The following TSC2 variants were observed in gnomAD, a reference collection of about 807,000 sequenced individuals.
TSC2 encodes the protein tuberin.
Under a neutral mutation model 202.2 loss-of-function variants are expected in TSC2, and 29 were observed. The ratio of observed to expected loss-of-function variants is 0.14; its 90% CI spans 0.11 to 0.20. The LOEUF (loss-of-function observed/expected upper bound fraction) is 0.20. Among genes scored for constraint, TSC2 ranks in the 10% least tolerant of loss-of-function variants. The pLI is 1.00. For synonymous variants in TSC2, 1,349 were observed against 1,044.0 expected (o/e 1.29, Z -5.63); for missense variants, 2,429 against 2,420.0 (o/e 1.00, Z -0.08).
At chr16:2,083,088 G>GCGCGTCCCCCCCTTC (rs2090333017) in intron 32 of TSC2, 1 of 455,096 alleles carries the variant, frequency 2.2e-6, no homozygotes, top group African/African-American at 2.0e-5. Context: ...GTGGCTGACT[G>GCGCGTCCCCCCCTTC]CGCGTGTGCA....
At chr16:2,071,309 AG>A in intron 17 of TSC2, 200 bp from the exon 18 acceptor site, 1 of 635,980 alleles carries the variant, frequency 1.6e-6, no homozygotes, top group South Asian at 1.8e-5. Flanking sequence ...GAGGCAAGGG[AG>A]GGAGGAGGCT....
In TSC2 at chr16:2,050,372, C is replaced by G. The variant is rs767295844; in HGVS notation, c.139-28C>G. 8.7e-6 allele frequency: 14 copies of G among 1,608,528 alleles called. No homozygotes were observed. In the East Asian group the frequency reaches 2.9e-4, roughly 33 times the overall value. ...AGGAGACCGTGGCCTGAGCACTGGC[C>G]CCTTTTTCTTCTTTCATCTCTCTCC... On this transcript the variant is annotated intron_variant, in intron 2 of 41. Transcript: ENST00000219476.
chr16:2,081,801 G>A lies in TSC2; in HGVS notation c.3814+3G>A. The A allele has an allele frequency of 6.2e-7, 1 of 1,611,972 alleles. No homozygotes were observed. The stretch of plus-strand genomic sequence containing the variant: ...TCCTCTGCCTCGCTCCAACACAGGT[G>A]AGTGGCATGGCGGGCCTTGGCACGG... On this transcript the variant is annotated splice_donor_region_variant and intron_variant, in intron 31 of 41. Coordinates refer to ENST00000219476, the MANE Select transcript of TSC2 (RefSeq NM_000548.5).
At chr16:2,069,155 T>C (rs1044284161) in intron 16 of TSC2, among the ~76,000 whole-genome samples, 8 of 152,312 alleles carry the variant, frequency 5.3e-5, no homozygotes, top group Middle Eastern at 3.4e-3. Context: ...GCCTGCCTAG[T>C]GGGCCCGGCA....
chr16:2,048,191 G>A (rs2084593597), intron 1 of TSC2, 126 bp downstream of exon 1: 1 of 1,534,114 alleles, frequency 6.5e-7, no homozygotes. Context: ...CCGGAGCTCC[G>A]AGCATCCCTT....
rs935100408 is a variant in TSC2, at chr16:2,079,763, C to T, written c.3397+94C>T. ...TCAGGAAGGCCCCGAGCCCAGGGGC[C>T]GGGGTGGCTGGCTTCAGGCCCGGCC... On this transcript the variant is annotated intron_variant, in intron 29 of 41. Coordinates refer to ENST00000219476, the MANE Select transcript of TSC2 (RefSeq NM_000548.5). This position sits in a 1 kb window ranked among gnomAD's most constrained non-coding sequence, Gnocchi z 4.6. 26 of 1,347,762 alleles carry T rather than the reference C, an allele frequency of 1.9e-5. No homozygotes were observed. Among genetic ancestry groups the T allele is most frequent in the Admixed American group, 4.5e-5 (2 of 44,828 alleles). The allele number at this position is 1,347,762 out of a possible 1,614,324, so 83.5% of individuals were successfully genotyped here. A position where few individuals can be genotyped will look rare whatever the true frequency, so the allele number is the denominator to read the frequency against.
rs767444397 is a variant in TSC2, at chr16:2,086,768, A to G, written c.4886A>G (p.Asp1629Gly). ...ATCGCCACCCTGATGCCCACCAAGG[A>G]CGTGGACAAGCACCGCTGCGACAAG... ...FHIATLMPTK[D>G]VDKHRCDKKR... The change falls in exon 38 of 42, where the codon GAC becomes GGC. Residue 1629 changes from aspartate to glycine, a missense_variant. Transcript: ENST00000219476. 1.2e-6 allele frequency: 2 copies of G among 1,611,200 alleles called. No homozygotes were observed. Among genetic ancestry groups the G allele is most frequent in the African/African-American group, 2.7e-5 (2 of 74,878 alleles).
chr16:2,058,506 C>T lies in TSC2; in HGVS notation c.849-241C>T, dbSNP rs537303786. Among the ~76,000 whole-genome samples the T allele has an allele frequency of 1.1e-4, 16 of 152,376 alleles. 1 individual carries two copies. The South Asian group carries it at 3.1e-3, about 30-fold the overall frequency. ...GCCATCCCTCTTGCCTGCTTCCTGT[C>T]CCTGGCATGACCTGTAGCTCACAGC... On this transcript the variant is annotated intron_variant, in intron 9 of 41. Coordinates refer to ENST00000219476, the MANE Select transcript of TSC2 (RefSeq NM_000548.5).
At position 2,089,091 on chromosome 16, in the gene TSC2, C is replaced by T. The variant is rs947813833; in HGVS notation, c.*481C>T. 2 of 176,918 alleles carry T rather than the reference C, an allele frequency of 1.1e-5. No homozygotes were observed. Among genetic ancestry groups the T allele is most frequent in the South Asian group, 1.4e-4 (1 of 7,306 alleles). The allele number at this position is 176,918 out of a possible 1,614,324, so 11.0% of individuals were successfully genotyped here. A position where few individuals can be genotyped will look rare whatever the true frequency, so the allele number is the denominator to read the frequency against. ...CCTCTGGGGTGATGAGAGTGCCTGGCAGACAGCTGTGCCCCCAGCACCGGC... is the reference window on the plus strand; with the variant it reads ...CCTCTGGGGTGATGAGAGTGCCTGGTAGACAGCTGTGCCCCCAGCACCGGC... On this transcript the variant is annotated 3_prime_UTR_variant, in exon 42 of 42. Transcript: ENST00000219476.
At chr16:2,073,031 GA>G (rs1217840219) in intron 21 of TSC2, 48 bp downstream of exon 21, 1 of 1,612,256 alleles carries the variant, frequency 6.2e-7, no homozygotes, top group South Asian at 1.1e-5. Context: ...CCTGGGATTC[GA>G]GGGCCTGGCC....
chr16:2,065,412 CAAAA>C (rs369052665), intron 15 of TSC2, 103 bp from the exon 16 acceptor site: 2,776 of 420,176 alleles, frequency 6.6e-3, no homozygotes, highest in Middle Eastern at 8.6e-3. Context: ...GACTCGATCT[CAAAA>C]AAAAAAAAAA....
chr16:2,079,758 G>C lies in TSC2; in HGVS notation c.3397+89G>C, dbSNP rs992010436. The C allele has an allele frequency of 8.6e-6, 12 of 1,389,100 alleles. No individual in the cohort carries two copies. The highest frequency in any genetic ancestry group is 2.9e-6 in the Non-Finnish European group (3 of 1,028,646). 86.0% of individuals were successfully genotyped at this position (1,389,100 alleles called of 1,614,324 possible). A position where few individuals can be genotyped will look rare whatever the true frequency, so the allele number is the denominator to read the frequency against. ...AGTGTTCAGGAAGGCCCCGAGCCCA[G>C]GGGCCGGGGTGGCTGGCTTCAGGCC... is the stretch of plus-strand genomic sequence containing the variant. On this transcript the variant is annotated intron_variant, in intron 29 of 41. Coordinates refer to ENST00000219476, the MANE Select transcript of TSC2 (RefSeq NM_000548.5). This position sits in a 1 kb window ranked among gnomAD's most constrained non-coding sequence, Gnocchi z 4.6.
rs769659537 is a variant in TSC2, at chr16:2,079,261, C to T, written c.3132-15C>T. ...CTCCACGGGCAAGCTGGGTTTCACG[C>T]TCCCTGTCTTCTAGGTCTCCTGTGG... On this transcript the variant is annotated splice_polypyrimidine_tract_variant and intron_variant, in intron 27 of 41. Transcript: ENST00000219476. This position sits in a 1 kb window ranked among gnomAD's most constrained non-coding sequence, Gnocchi z 4.6. 2.5e-6 allele frequency: 4 copies of T among 1,612,982 alleles called. No individual in the cohort carries two copies. Among genetic ancestry groups the T allele is most frequent in the East Asian group, 4.5e-5 (2 of 44,880 alleles).
Position 2,084,294 on chromosome 16 carries a change from C to G in TSC2, c.4072C>G (p.Pro1358Ala), listed in dbSNP as rs878854104. 1.9e-6 allele frequency: 3 copies of G among 1,612,476 alleles called. No homozygotes were observed. The part of the protein sequence containing the change: ...HAEELVGRGI[P>A]IERVVSSEGG... ...GGAGGAGCTGGTTGGCAGGGGCATC[C>G]CCATCGAGCGAGTCGTCTCCTCGGA... The change falls in exon 34 of 42, where the codon CCC becomes GCC. Residue 1358 changes from proline (P) to alanine (A), a missense_variant. Pro to Ala is a conservative substitution (Grantham distance 27). Coordinates refer to ENST00000219476, the MANE Select transcript of TSC2 (RefSeq NM_000548.5).
At position 2,071,524 on chromosome 16, in the gene TSC2, G is replaced by C. The variant is rs1060504088; in HGVS notation, c.1854G>C (p.Leu618=). ...CTTCCTGACAGGCCTTTGACTTCCT[G>C]TTGCTGCTGCGGGCCGACTCACTGC... ...SSIRLQAFDF[L]LLLRADSLHR... The change falls in exon 18 of 42, where the codon CTG becomes CTC. Residue 618 remains leucine, a synonymous_variant. Transcript: ENST00000219476. 3.7e-6 allele frequency: 6 copies of C among 1,613,548 alleles called. No homozygotes were observed. Among genetic ancestry groups the C allele is most frequent in the Middle Eastern group, 1.6e-4 (1 of 6,082 alleles).
intron 31 of TSC2, 195 bp downstream of exon 31, chr16:2,081,993 G>A (rs2090201915): frequency 2.5e-6 from 2 of 791,088 alleles, no homozygotes; most frequent in African/African-American, 1.7e-5. Context: ...TCAGGAAGCT[G>A]GGGCTGGCAG....
rs1050038409 is a variant in TSC2, at chr16:2,087,274, T to C, written c.4989+403T>C. On this transcript the variant is annotated intron_variant, in intron 38 of 41. Transcript: ENST00000219476. ...ACCCTCTTCCTGGAGGTGGGCTGGG[T>C]CGGCCAGTGTCACAGCACGGTCCGG... is the stretch of plus-strand genomic sequence containing the variant. 3.9e-5 allele frequency: 14 copies of C among 355,556 alleles called. No homozygotes were observed. In the East Asian group the frequency reaches 1.0e-3, roughly 25 times the overall value. 22.0% of individuals were successfully genotyped at this position (355,556 alleles called of 1,614,324 possible).
chr16:2,079,384 A>C lies in TSC2; in HGVS notation c.3240A>C (p.Leu1080Phe), dbSNP rs371514669. The C allele has an allele frequency of 4.4e-6, 7 of 1,586,138 alleles. No individual in the cohort carries two copies. The highest frequency in any genetic ancestry group is 6.0e-6 in the Non-Finnish European group (7 of 1,164,462). Residue 1080 changes from leucine (L) to phenylalanine (F), a missense_variant, in exon 28 of 42, where the codon TTA (leucine) becomes TTC (phenylalanine). By Grantham distance (22) the Leu-to-Phe change is conservative. Transcript: ENST00000219476. The surrounding 1 kb of genome is among the most constrained non-coding windows in gnomAD (Gnocchi z 4.6). ...TTSVGTGTRS[L>F]LGLDSGELQS... ...GCGTGGGAACCGGGACCCGGTCGTT[A>C]CTAGGCCTGGACTCGGGGGAGCTGC...
chr16:2,085,445 T>G, intron 36 of TSC2, 123 bp downstream of exon 36: 1 of 1,047,812 alleles, frequency 9.5e-7, no homozygotes, highest in East Asian at 2.5e-5. Context: ...CCCTACAGCA[T>G]GAAGTGCTCA....
Sources: gnomAD v4.1 joint callset for allele counts (sites outside exome capture counted in the v4.1 genomes callset) on GRCh38, gnomAD v4.1.1 for gene constraint, Gnocchi (gnomAD v3.1) non-coding constraint, MANE v1.5 for transcripts, NCBI Gene and HGNC (gene_info 2026-07-23, HGNC 2026-07-21) for gene names.